LAMB2: variants seen among roughly 807,000 people sequenced by gnomAD.
LAMB2 encodes laminin subunit beta 2.
In LAMB2, 119 loss-of-function variants were observed where a neutral mutation model predicts 202.7. The observed-to-expected ratio is 0.59, with a 90% CI of 0.51 to 0.68. The LOEUF (loss-of-function observed/expected upper bound fraction) is 0.68, where lower values mean the gene tolerates loss of function less well. Among genes scored for constraint, LAMB2 ranks in the 30% least tolerant of loss-of-function variants. LAMB2 has a pLI of 0.00. For synonymous variants in LAMB2, 818 were observed against 902.2 expected, an observed-to-expected ratio of 0.91 and a Z score of 1.67; for missense variants, 2,124 against 2,410.6, an observed-to-expected ratio of 0.88 and a Z score of 2.49.
chr3:49,129,003 AG>A lies in LAMB2; in HGVS notation c.1731+16del, dbSNP rs766983720. The A allele has an allele frequency of 3.2e-5, 51 of 1,606,340 alleles. No individual in the cohort carries two copies. The Admixed American group carries it at 8.5e-4, about 27-fold the overall frequency. ...TCCACCCACATCCAGCCCTCTGCTTAGGGGGAGGCCCCACACCTGCCCTCGG... is the reference window on the plus strand; with the variant it reads ...TCCACCCACATCCAGCCCTCTGCTTAGGGGAGGCCCCACACCTGCCCTCGG... On this transcript the variant is annotated intron_variant, in intron 13 of 31. Coordinates refer to ENST00000305544, the MANE Select transcript of LAMB2 (RefSeq NM_002292.4). This position sits in a 1 kb window ranked among gnomAD's most constrained non-coding sequence, Gnocchi z 6.1.
Position 49,132,261 on chromosome 3 carries a change from T to C in LAMB2, c.385+9A>G, listed in dbSNP as rs763518000. 9.3e-6 allele frequency: 15 copies of C among 1,614,090 alleles called. No individual in the cohort carries two copies. The highest frequency in any genetic ancestry group is 5.0e-5 in the Admixed American group (3 of 60,004). ...GCCCTGCTCACTTTTGCCCCACCCA[T>C]GGCCTCACCATTCTCTGACTGCCAC... On this transcript the variant is annotated intron_variant, in intron 3 of 31. Transcript: ENST00000305544. The surrounding 1 kb of genome is among the most constrained non-coding windows in gnomAD (Gnocchi z 4.6).
rs777643155 is a variant in LAMB2, at chr3:49,121,453, T to C, written c.5240A>G (p.Asp1747Gly). 1.9e-6 allele frequency: 3 copies of C among 1,614,050 alleles called. No individual in the cohort carries two copies. Among genetic ancestry groups the C allele is most frequent in the Non-Finnish European group, 1.7e-6 (2 of 1,180,036 alleles). Residue 1747 changes from aspartate (D) to glycine (G), a missense_variant, in exon 31 of 32, where the codon GAC (aspartate) becomes GGC (glycine). This residue lies in a region of LAMB2 where 1,702 missense variants were observed against 1,896.3 expected (regional missense o/e 0.90). Transcript: ENST00000305544. ...EARDLLQAAQ[D>G]KLQRLQELEG... The stretch of plus-strand genomic sequence containing the variant: ...CTTACCCTGTAGCCGCTGCAGCTTG[T>C]CCTGAGCGGCTTGCAACAGGTCCCG...
intron 15 of LAMB2, 81 bp downstream of exon 15, chr3:49,128,377 G>A (rs2045443518): frequency 3.9e-6 from 6 of 1,532,088 alleles, no homozygotes; most frequent in Non-Finnish European, 5.3e-6. Flanking sequence ...GAGCTGTGGG[G>A]TCTTCCAGGT....
rs9865051 is a variant in LAMB2 at position 49,128,636 on chromosome 3, C to T, written c.1890+25G>A. On this transcript the variant is annotated intron_variant, in intron 14 of 31. Transcript: ENST00000305544. ...ATGCTCCCACACCCAGAGGTTCAGC[C>T]CCAGATTAGATAACAGGGTCTAACC... 0.8 allele frequency: 1,293,773 copies of T among 1,614,066 alleles called. 521,720 individuals are homozygous for T. The highest frequency in any genetic ancestry group is 1 in the East Asian group (44,864 of 44,878).
rs2045482878 is a variant in LAMB2 at position 49,131,601 on chromosome 3, T to C, written c.582A>G (p.Pro194=). Residue 194 remains proline (P), a synonymous_variant, in exon 5 of 32, where the codon CCA becomes CCG. Transcript: ENST00000305544. The surrounding 1 kb of genome is among the most constrained non-coding windows in gnomAD (Gnocchi z 5.0). ...CACAGACTACATCATCCCAGTGCCG[T>C]GGGGGTGCTAGTGGGACTCCTGGGA... is the stretch of plus-strand genomic sequence containing the variant. ...ADFPGVPLAP[P]RHWDDVVCES... 6.2e-7 allele frequency: 1 copy of C among 1,613,482 alleles called. No homozygotes were observed. The highest frequency in any genetic ancestry group is 1.3e-5 in the African/African-American group (1 of 74,836).
At position 49,129,926 on chromosome 3, in the gene LAMB2, A is replaced by C; in HGVS notation, c.1318T>G (p.Cys440Gly). The stretch of plus-strand genomic sequence containing the variant: ...CGAGTGCCCACCACATGTTCTTTGC[A>C]GCGACACTGGCCGGAGACCAGTCCC... ...ALGLVSGQCR[C>G]KEHVVGTRCQ... is the part of the protein sequence containing the mutation. Residue 440 changes from cysteine (C) to glycine (G), a missense_variant, in exon 10 of 32, where the codon TGC becomes GGC. Cys to Gly is a radical substitution (Grantham distance 159). Transcript: ENST00000305544. The surrounding 1 kb of genome is among the most constrained non-coding windows in gnomAD (Gnocchi z 6.1). 1 of 1,614,068 alleles carries C rather than the reference A, an allele frequency of 6.2e-7. No individual in the cohort carries two copies. The highest frequency in any genetic ancestry group is 8.5e-7 in the Non-Finnish European group (1 of 1,180,030).
intron 16 of LAMB2, 92 bp from the exon 17 acceptor site, chr3:49,126,251 C>T: frequency 6.2e-7 from 1 of 1,600,964 alleles, no homozygotes; most frequent in Non-Finnish European, 8.5e-7. Context: ...CAAGCCTGCC[C>T]ACCCTGGCAC....
At position 49,123,995 on chromosome 3, in the gene LAMB2, G is replaced by A. The variant is rs2045382330; in HGVS notation, c.3530C>T (p.Ala1177Val). ...AGGAAAGATTCCTGAGAAGCCACGG[G>A]CACACTGGTCACAGCGCACACCAGA... The part of the protein sequence containing the change: ...GVSGVRCDQC[A>V]RGFSGIFPAC... Residue 1177 changes from alanine (A) to valine (V), a missense_variant, in exon 24 of 32, where the codon GCC becomes GTC. Ala to Val is a moderately conservative substitution (Grantham distance 64, BLOSUM62 0). Coordinates refer to ENST00000305544, the MANE Select transcript of LAMB2 (RefSeq NM_002292.4). The A allele has an allele frequency of 6.2e-7, 1 of 1,613,460 alleles. No individual in the cohort carries two copies. The highest frequency in any genetic ancestry group is 8.5e-7 in the Non-Finnish European group (1 of 1,180,040).
rs748333440 is a variant in LAMB2, at chr3:49,132,201, A to G, written c.386-12T>C. ...GACCGCAGGGATACCTGGGACAGGAATCGGAAGTCAAGGACTCAAAGCTAC... is the reference window on the plus strand; with the variant it reads ...GACCGCAGGGATACCTGGGACAGGAGTCGGAAGTCAAGGACTCAAAGCTAC... On this transcript the variant is annotated splice_polypyrimidine_tract_variant and intron_variant, in intron 3 of 31. Transcript: ENST00000305544. The surrounding 1 kb of genome is among the most constrained non-coding windows in gnomAD (Gnocchi z 4.6). The G allele has an allele frequency of 1.9e-6, 3 of 1,614,178 alleles. No homozygotes were observed. The highest frequency in any genetic ancestry group is 2.5e-6 in the Non-Finnish European group (3 of 1,180,024).
At position 49,122,212 on chromosome 3, in the gene LAMB2, C is replaced by T. The variant is rs1416648997; in HGVS notation, c.4732G>A (p.Gly1578Arg). The T allele has an allele frequency of 1.9e-6, 3 of 1,613,496 alleles. No individual in the cohort carries two copies. Among genetic ancestry groups the T allele is most frequent in the Non-Finnish European group, 2.5e-6 (3 of 1,180,036 alleles). The change falls in exon 28 of 32, where the codon GGA becomes AGA. Residue 1578 changes from glycine (G) to arginine (R), a missense_variant. Physicochemically the swap from Gly to Arg is moderately radical, Grantham distance 125 (BLOSUM62 -2). Around this residue, in one of 3 missense-constraint regions of LAMB2, gnomAD observed 1,702 missense variants for 1,896.3 expected, o/e 0.90. Transcript: ENST00000305544. The part of the protein sequence containing the change: ...DVDAILARTV[G>R]DVRRAEQLLQ... The stretch of plus-strand genomic sequence containing the variant: ...AGCTGCTCGGCACGACGCACATCTC[C>T]TACAGTACGTGCCAGGATCGCATCC...
rs1407607664 is a variant in LAMB2, at chr3:49,121,827, GTGCCCGCTC to G, written c.4948_4956del (p.Glu1650_Ala1652del). On this transcript the variant is annotated inframe_deletion, in exon 30 of 32. Transcript: ENST00000305544. ...CGAGCCCTTTCACCTGCAGAGCTCAGTGCCCGCTCTGCACCTGCCATCCTCTCCTGTACC... is the reference window on the plus strand; with the variant it reads ...CGAGCCCTTTCACCTGCAGAGCTCAGTGCACCTGCCATCCTCTCCTGTACC... The G allele has an allele frequency of 6.2e-7, 1 of 1,613,072 alleles. No individual in the cohort carries two copies. Among genetic ancestry groups the G allele is most frequent in the Non-Finnish European group, 8.5e-7 (1 of 1,180,024 alleles).
In LAMB2 at chr3:49,130,051, C is replaced by G; in HGVS notation, c.1226-33G>C. 1 of 1,609,250 alleles carries G rather than the reference C, an allele frequency of 6.2e-7. No individual in the cohort carries two copies. Among genetic ancestry groups the G allele is most frequent in the South Asian group, 1.1e-5 (1 of 90,948 alleles). On this transcript the variant is annotated intron_variant, in intron 9 of 31. Transcript: ENST00000305544. This position sits in a 1 kb window ranked among gnomAD's most constrained non-coding sequence, Gnocchi z 5.0. ...CAAAAAGAGATACAGGGTCACTCAC[C>G]CTATCTCAACTAGCTCACTGCCAGT...
In LAMB2 at chr3:49,122,182, G is replaced by A. The variant is rs775456607; in HGVS notation, c.4762C>T (p.Gln1588Ter). Residue 1588 changes from glutamine (Q) to a stop codon, truncating the protein, a stop_gained, in exon 28 of 32, where the codon CAG (glutamine) becomes TAG (stop). Transcript: ENST00000305544. LOFTEE classifies it high-confidence loss of function. ...TCAGACCTTGCCCGCCGTGCATCCT[G>A]CAGTAGCTGCTCGGCACGACGCACA... ...GDVRRAEQLL[Q>*]DARRARSWAE... 9.9e-6 allele frequency: 16 copies of A among 1,613,610 alleles called. No individual in the cohort carries two copies. The highest frequency in any genetic ancestry group is 5.0e-5 in the Admixed American group (3 of 60,026).
chr3:49,123,501 T>A lies in LAMB2; in HGVS notation c.3928A>T (p.Thr1310Ser). Reference sequence around the variant, plus strand: ...AGATGCTGGTCGAGCTGCCGCAGTGTGAGATTAAGTGCAAGCCTATCTCGC... The same window carrying A: ...AGATGCTGGTCGAGCTGCCGCAGTGAGAGATTAAGTGCAAGCCTATCTCGC... The part of the protein sequence containing the change: ...LERDRLALNL[T>S]LRQLDQHLDL... Residue 1310 changes from threonine (T) to serine (S), a missense_variant, in exon 25 of 32, where the codon ACA (threonine) becomes TCA (serine). Thr to Ser is a moderately conservative substitution (Grantham distance 58). Around this residue, in one of 3 missense-constraint regions of LAMB2, gnomAD observed 1,702 missense variants for 1,896.3 expected, o/e 0.90. Coordinates refer to ENST00000305544, the MANE Select transcript of LAMB2 (RefSeq NM_002292.4). 6.2e-7 allele frequency: 1 copy of A among 1,612,880 alleles called. No homozygotes were observed. Among genetic ancestry groups the A allele is most frequent in the Non-Finnish European group, 8.5e-7 (1 of 1,178,866 alleles).
intron 16 of LAMB2, 100 bp downstream of exon 16, chr3:49,126,265 C>T: frequency 6.2e-7 from 1 of 1,603,420 alleles, no homozygotes; most frequent in Non-Finnish European, 8.5e-7. Context: ...CTGGCACCAC[C>T]ATGGGCCTGC....
rs112933248 is a variant in LAMB2 at position 49,123,238 on chromosome 3, T to C, written c.4118A>G (p.Asp1373Gly). ...GCTGTTGAAGTCCTCCTTCTGAGCA[T>C]CCATCAGTGCCTCTGTCCGATGCCG... ...SARHRTEALMDAQKEDFNSKH... is the reference protein window; with the variant it reads ...SARHRTEALMGAQKEDFNSKH... Residue 1373 changes from aspartate (D) to glycine (G), a missense_variant, in exon 26 of 32, where the codon GAT becomes GGT. Asp to Gly is a moderately conservative substitution (Grantham distance 94). This residue lies in a region of LAMB2 where 1,702 missense variants were observed against 1,896.3 expected (regional missense o/e 0.90). Coordinates refer to ENST00000305544, the MANE Select transcript of LAMB2 (RefSeq NM_002292.4). 1.0e-3 allele frequency: 1,633 copies of C among 1,613,920 alleles called. 1 individual carries two copies. Among genetic ancestry groups the C allele is most frequent in the Non-Finnish European group, 1.3e-3 (1,518 of 1,180,056 alleles).
intron 27 of LAMB2, 75 bp downstream of exon 27, chr3:49,122,629 G>T: frequency 1.6e-6 from 2 of 1,262,512 alleles, no homozygotes; most frequent in Non-Finnish European, 1.2e-6. Flanking sequence ...GCTCAAGTAT[G>T]AACCAAGGGA....
chr3:49,131,282 G>T lies in LAMB2; in HGVS notation c.712+97C>A. On this transcript the variant is annotated intron_variant, in intron 6 of 31. Transcript: ENST00000305544. The surrounding 1 kb of genome is among the most constrained non-coding windows in gnomAD (Gnocchi z 5.0). ...TGCCACCCGAGCTAAACTGGGCTTG[G>T]CACCTGCCCTAGGAAGCACCCAAAA... The T allele has an allele frequency of 6.7e-7, 1 of 1,490,648 alleles. No individual in the cohort carries two copies. The allele number at this position is 1,490,648 out of a possible 1,614,324, so 92.3% of individuals were successfully genotyped here.
chr3:49,128,606 A>G (rs771780361), intron 14 of LAMB2, 21 bp from the exon 15 acceptor site: 1 of 1,614,216 alleles, frequency 6.2e-7, no homozygotes. Flanking sequence ...GGGATGATGG[A>G]GGAGATGCTC....
Sources: gnomAD v4.1 joint callset for allele counts on GRCh38, gnomAD v4.1.1 for gene constraint, gnomAD v4.1.1 regional missense constraint, Gnocchi (gnomAD v3.1) non-coding constraint, MANE v1.5 for transcripts, NCBI Gene and HGNC (gene_info 2026-07-23, HGNC 2026-07-21) for gene names.